Variants in ORC5 observed in about 807,000 individuals in gnomAD.
ORC5 encodes protein phosphatase 1, regulatory subunit 117.
ORC5 carries 39 observed loss-of-function variants against 58.8 expected under a neutral mutation model. That is an observed-to-expected ratio of 0.66 (90% CI 0.51 to 0.87). The LOEUF is 0.87. Among genes scored for constraint, ORC5 ranks in the 40% least tolerant of loss-of-function variants. The pLI, the probability that ORC5 is intolerant of heterozygous loss-of-function variation, is 0.00. For synonymous variants in ORC5, 218 were observed against 177.6 expected (o/e 1.23, Z -1.81); for missense variants, 493 against 506.3 (o/e 0.97, Z 0.25).
intron 5 of ORC5, among the ~76,000 whole-genome samples, chr7:104,193,152 C>T (rs1799713695): frequency 6.6e-6 from 1 of 151,950 alleles, no homozygotes; most frequent in Admixed American, 6.6e-5. Flanking sequence ...GCAGGATAAA[C>T]AATAAAAGTT....
chr7:104,191,118 TG>T (rs1351964713), intron 5 of ORC5, among the ~76,000 whole-genome samples: 11 of 134,218 alleles, frequency 8.2e-5, no homozygotes, highest in Non-Finnish European at 1.6e-4. Flanking sequence ...TCAAAACTGC[TG>T]AAAAAAAAAA....
At chr7:104,200,269 T>A (rs1799906894) in intron 3 of ORC5, among the ~76,000 whole-genome samples, 1 of 152,214 alleles carries the variant, frequency 6.6e-6, no homozygotes, top group African/African-American at 2.4e-5. Context: ...TTTAGTATAG[T>A]TTTCTAGACC....
intron 12 of ORC5, among the ~76,000 whole-genome samples, chr7:104,152,747 A>T (rs998405436): frequency 6.6e-6 from 1 of 152,222 alleles, no homozygotes; most frequent in Non-Finnish European, 1.5e-5. Context: ...AAGGATATAC[A>T]TTTAGTAAAC....
chr7:104,207,706 C>A (rs540744991), intron 1 of ORC5, 127 bp downstream of exon 1: 42 of 759,872 alleles, frequency 5.5e-5, no homozygotes, highest in South Asian at 5.1e-4. Context: ...AACCACAACA[C>A]CCCTATTTAA....
chr7:104,167,068 C>T (rs1036345210), intron 9 of ORC5, among the ~76,000 whole-genome samples, 184 bp from the exon 10 acceptor site: 10 of 152,016 alleles, frequency 6.6e-5, no homozygotes, highest in African/African-American at 1.9e-4. Context: ...TAATGACAGG[C>T]TTTACTCAAT....
chr7:104,141,648 C>T (rs997782906), intron 12 of ORC5, among the ~76,000 whole-genome samples: 1 of 151,950 alleles, frequency 6.6e-6, no homozygotes, highest in Non-Finnish European at 1.5e-5. Flanking sequence ...TTGCAGAATA[C>T]AAAAATCAAC....
intron 13 of ORC5, among the ~76,000 whole-genome samples, 168 bp from the exon 14 acceptor site, chr7:104,127,061 G>A (rs969028671): frequency 1.1e-4 from 17 of 151,678 alleles, no homozygotes; most frequent in South Asian, 6.2e-4. Context: ...AATGTTATTA[G>A]GAACACAATA....
At position 104,168,461 on chromosome 7, in the gene ORC5, T is replaced by C; in HGVS notation, c.877+12A>G. 1.2e-6 allele frequency: 2 copies of C among 1,609,044 alleles called. No homozygotes were observed. The highest frequency in any genetic ancestry group is 1.1e-5 in the South Asian group (1 of 90,106). On this transcript the variant is annotated intron_variant, in intron 9 of 13. Transcript: ENST00000297431. ...GTATCTCCGGTAACTGTCTCAATAC[T>C]TCCTCTGATACCTTTCAGTTGCCCC...
At chr7:104,205,949 A>T (rs1439550745) in intron 1 of ORC5, among the ~76,000 whole-genome samples, 1 of 152,228 alleles carries the variant, frequency 6.6e-6, no homozygotes, top group Non-Finnish European at 1.5e-5. Flanking sequence ...CAGAGACTGC[A>T]GTGAGCCAAG....
intron 8 of ORC5, among the ~76,000 whole-genome samples, chr7:104,179,394 G>A (rs1302321066): frequency 1.3e-5 from 2 of 152,138 alleles, no homozygotes; most frequent in African/African-American, 4.8e-5. Context: ...GTGAAGGGTA[G>A]ATTTATTAAA....
At chr7:104,150,271 GC>G (rs1303561737) in intron 12 of ORC5, among the ~76,000 whole-genome samples, 2 of 152,068 alleles carry the variant, frequency 1.3e-5, no homozygotes, top group Non-Finnish European at 2.9e-5. Context: ...ATCCTATCCT[GC>G]TTGTCCTGGA....
Position 104,183,926 on chromosome 7 carries a change from A to T in ORC5, c.824+17T>A. 1 of 1,537,756 alleles carries T rather than the reference A, an allele frequency of 6.5e-7. No individual in the cohort carries two copies. On this transcript the variant is annotated intron_variant, in intron 8 of 13. Coordinates refer to ENST00000297431, the MANE Select transcript of ORC5 (RefSeq NM_002553.4). ...TAAAGATATAAAAACTAGTATGCATACTAAATAGAAAATTACCTTGATATT... is the reference window on the plus strand; with the variant it reads ...TAAAGATATAAAAACTAGTATGCATTCTAAATAGAAAATTACCTTGATATT...
intron 2 of ORC5, among the ~76,000 whole-genome samples, chr7:104,203,560 T>A (rs939669086): frequency 1.3e-5 from 2 of 152,226 alleles, no homozygotes; most frequent in African/African-American, 4.8e-5. Flanking sequence ...CATTTAATTC[T>A]CTTAATCCCA....
intron 12 of ORC5, among the ~76,000 whole-genome samples, chr7:104,153,544 G>A (rs748796517): frequency 8.5e-5 from 13 of 152,146 alleles, no homozygotes; most frequent in Non-Finnish European, 1.9e-4. Flanking sequence ...TAGCATTCAA[G>A]CTATTTTCTA....
chr7:104,128,423 A>G (rs924049489), intron 13 of ORC5, among the ~76,000 whole-genome samples: 1 of 152,196 alleles, frequency 6.6e-6, no homozygotes. Flanking sequence ...GCGCCCAGCC[A>G]ACACATGGTT....
At chr7:104,137,394 A>G (rs181117162) in intron 12 of ORC5, among the ~76,000 whole-genome samples, 1 of 152,120 alleles carries the variant, frequency 6.6e-6, no homozygotes, top group Non-Finnish European at 1.5e-5. Context: ...TCGGTGATAC[A>G]GGAGGGGGGC....
chr7:104,166,620 A>T, intron 10 of ORC5, 152 bp downstream of exon 10: 1 of 519,308 alleles, frequency 1.9e-6, no homozygotes, highest in Non-Finnish European at 3.4e-6. Flanking sequence ...AGGTTGTGAC[A>T]TTAATGTAAA....
chr7:104,194,880 T>C (rs553064314), intron 5 of ORC5, among the ~76,000 whole-genome samples: 113 of 149,862 alleles, frequency 7.5e-4, no homozygotes, highest in African/African-American at 2.7e-3. Context: ...ATTTTGTAAG[T>C]GCAGAAATAC....
At chr7:104,197,373 C>T (rs1799824881) in intron 4 of ORC5, among the ~76,000 whole-genome samples, 2 of 152,132 alleles carry the variant, frequency 1.3e-5, no homozygotes, top group Admixed American at 1.3e-4. Flanking sequence ...AATAGCCATG[C>T]TATTCTTATT....
Sources: allele counts gnomAD v4.1 joint callset (sites outside exome capture counted in the v4.1 genomes callset), GRCh38; gene constraint gnomAD v4.1.1; transcripts MANE v1.5; gene names NCBI Gene and HGNC (gene_info 2026-07-23, HGNC 2026-07-21).